Variants in IGSF6 observed in about 807,000 individuals in gnomAD.
IGSF6 encodes the protein immunoglobulin superfamily member 6.
Under a neutral mutation model 24.7 loss-of-function variants are expected in IGSF6, and 23 were observed. The ratio of observed to expected loss-of-function variants is 0.93; its 90% CI spans 0.67 to 1.32. The LOEUF is 1.32. Among genes scored for constraint, IGSF6 ranks in the 40% most tolerant of loss-of-function variants. IGSF6 has a pLI of 0.00. For missense variants in IGSF6, 295 were observed against 293.6 expected, an observed-to-expected ratio of 1.00 and a Z score of -0.04; for synonymous variants, 110 against 113.7, an observed-to-expected ratio of 0.97 and a Z score of 0.21.
chr16:21,643,277 C>A, intron 4 of IGSF6, 123 bp from the exon 5 acceptor site: 1 of 715,758 alleles, frequency 1.4e-6, no homozygotes, highest in South Asian at 1.6e-5. Context: ...TCCCCCAACA[C>A]ATATGTGCCT....
Position 21,643,143 on chromosome 16 carries a change from A to T in IGSF6, c.597T>A (p.Ala199=). The T allele has an allele frequency of 6.2e-7, 1 of 1,606,376 alleles. No homozygotes were observed. Residue 199 remains alanine (A), a synonymous_variant, in exon 5 of 6, where the codon GCT becomes GCA. Transcript: ENST00000268389. ...IKEDSQKKKS[A]RRIFQEIAQE... is the part of the protein sequence containing the mutation. ...GAGCAATTTCCTGAAAAATACGCCG[A>T]GCACTCTTCTTCTATAAAGACAAAT...
At chr16:21,643,785 T>C (rs1383868269) in intron 3 of IGSF6, among the ~76,000 whole-genome samples, 187 bp from the exon 4 acceptor site, 1 of 152,216 alleles carries the variant, frequency 6.6e-6, no homozygotes, top group Non-Finnish European at 1.5e-5. Flanking sequence ...CTGACGTTGA[T>C]TGTAGGATTT....
intron 2 of IGSF6, chr16:21,646,544 G>A (rs1046204022): frequency 5.7e-6 from 1 of 174,872 alleles, no homozygotes. Flanking sequence ...CTAAATCACT[G>A]TAATATACAA....
chr16:21,644,464 GT>G (rs1297441180), intron 2 of IGSF6, 68 bp from the exon 3 acceptor site: 4 of 1,131,086 alleles, frequency 3.5e-6, no homozygotes, highest in Non-Finnish European at 5.3e-6. Flanking sequence ...CATGTGTAAA[GT>G]ATCCTTCACA....
rs1966221823 is a variant in IGSF6 at position 21,640,447 on chromosome 16, T to C, written c.*1087A>G. 6.6e-6 allele frequency: 1 copy of C among 151,468 alleles called. No individual in the cohort carries two copies. The highest frequency in any genetic ancestry group is 1.5e-5 in the Non-Finnish European group (1 of 67,902). 9.4% of individuals were successfully genotyped at this position (151,468 alleles called of 1,614,324 possible). A position where few individuals can be genotyped will look rare whatever the true frequency, so the allele number is the denominator to read the frequency against. Reference sequence around the variant, plus strand: ...TCCTATCTGACATTTCCCTCCTAAATTGGTTAAAAATCAGTATTATAGACT... The same window carrying C: ...TCCTATCTGACATTTCCCTCCTAAACTGGTTAAAAATCAGTATTATAGACT... On this transcript the variant is annotated 3_prime_UTR_variant, in exon 6 of 6. Transcript: ENST00000268389.
In IGSF6 at chr16:21,643,659, A is replaced by G. The variant is rs904346881; in HGVS notation, c.535-61T>C. On this transcript the variant is annotated intron_variant, in intron 3 of 5. Coordinates refer to ENST00000268389, the MANE Select transcript of IGSF6 (RefSeq NM_005849.4). Reference sequence around the variant, plus strand: ...TATGTACTCATAACAATGGTGGCAGATATCTCATGCCCTAATAAGATTAAA... The same window carrying G: ...TATGTACTCATAACAATGGTGGCAGGTATCTCATGCCCTAATAAGATTAAA... The G allele has an allele frequency of 1.5e-5, 16 of 1,072,480 alleles. No homozygotes were observed. In the African/African-American group the frequency reaches 2.4e-4, roughly 16 times the overall value. 66.4% of individuals were successfully genotyped at this position (1,072,480 alleles called of 1,614,324 possible).
chr16:21,650,713 G>T (rs1966550758), intron 1 of IGSF6, among the ~76,000 whole-genome samples: 1 of 152,098 alleles, frequency 6.6e-6, no homozygotes. Context: ...GCAGGAACTT[G>T]TGATGAAACT....
In IGSF6 at chr16:21,641,204, C is replaced by T. The variant is rs1966256859; in HGVS notation, c.*330G>A. 5.5e-6 allele frequency: 1 copy of T among 182,578 alleles called. No homozygotes were observed. Among genetic ancestry groups the T allele is most frequent in the African/African-American group, 2.3e-5 (1 of 42,652 alleles). The allele number at this position is 182,578 out of a possible 1,614,324, so 11.3% of individuals were successfully genotyped here. A position where few individuals can be genotyped will look rare whatever the true frequency, so the allele number is the denominator to read the frequency against. Reference sequence around the variant, plus strand: ...ATAAAGGTGATTCTTCCACTCAAGACTGAGGCACATGGTTTGGCTTCAGAT... The same window carrying T: ...ATAAAGGTGATTCTTCCACTCAAGATTGAGGCACATGGTTTGGCTTCAGAT... On this transcript the variant is annotated 3_prime_UTR_variant, in exon 6 of 6. Transcript: ENST00000268389.
At position 21,640,204 on chromosome 16, in the gene IGSF6, T is replaced by C. The variant is rs9921724; in HGVS notation, c.*1330A>G. On this transcript the variant is annotated 3_prime_UTR_variant, in exon 6 of 6. Transcript: ENST00000268389. The stretch of plus-strand genomic sequence containing the variant: ...TCACCTGCCTCAGCCTCCCAAAGTG[T>C]TGGGATTACAGGCGTGAGCCACCAC... 0.41 allele frequency: 61,640 copies of C among 151,728 alleles called. 13,362 individuals are homozygous for C. The highest frequency in any genetic ancestry group is 0.56 in the African/African-American group (23,214 of 41,370). 9.4% of individuals were successfully genotyped at this position (151,728 alleles called of 1,614,324 possible).
chr16:21,643,634 T>G, intron 3 of IGSF6, 36 bp from the exon 4 acceptor site: 1 of 1,408,990 alleles, frequency 7.1e-7, no homozygotes, highest in African/African-American at 1.4e-5. Context: ...TGAAACATTT[T>G]ATGTACTCAT....
intron 5 of IGSF6, among the ~76,000 whole-genome samples, chr16:21,642,580 A>G (rs1187697647): frequency 6.6e-6 from 1 of 152,230 alleles, no homozygotes; most frequent in African/African-American, 2.4e-5. Context: ...TTATAGATAT[A>G]CATGTATTCT....
rs762795876 is a variant in IGSF6, at chr16:21,643,069, C to CT, written c.666+4dup. On this transcript the variant is annotated splice_donor_region_variant and intron_variant, in intron 5 of 5. Transcript: ENST00000268389. ...TTACATTTTTTTTTGACATTTTACA[C>CT]TTACAGATTGCTGATTTGTTTCCAC... 6 of 1,585,274 alleles carry CT rather than the reference C, an allele frequency of 3.8e-6. No homozygotes were observed. The highest frequency in any genetic ancestry group is 5.2e-6 in the Non-Finnish European group (6 of 1,158,068).
rs368317919 is a variant in IGSF6 at position 21,643,623 on chromosome 16, A to G, written c.535-25T>C. ...ACTGCCAAGAAGAGAAGGAAAGTCTATGAAACATTTTATGTACTCATAACA... is the reference window on the plus strand; with the variant it reads ...ACTGCCAAGAAGAGAAGGAAAGTCTGTGAAACATTTTATGTACTCATAACA... On this transcript the variant is annotated intron_variant, in intron 3 of 5. Coordinates refer to ENST00000268389, the MANE Select transcript of IGSF6 (RefSeq NM_005849.4). 8.2e-4 allele frequency: 1,269 copies of G among 1,547,958 alleles called. 2 individuals are homozygous for G. The highest frequency in any genetic ancestry group is 1.1e-3 in the Admixed American group (61 of 56,996).
At chr16:21,646,949 C>T in intron 2 of IGSF6, 184 bp downstream of exon 2, 1 of 751,390 alleles carries the variant, frequency 1.3e-6, no homozygotes, top group Non-Finnish European at 2.2e-6. Context: ...CCACCACGCC[C>T]AGCCAGTTGG....
intron 1 of IGSF6, among the ~76,000 whole-genome samples, chr16:21,648,586 A>T (rs1194812995): frequency 1.3e-5 from 2 of 152,188 alleles, no homozygotes; most frequent in African/African-American, 4.8e-5. Context: ...CTTCCAAGTT[A>T]TGAGGATTGA....
chr16:21,650,211 A>G (rs1966530988), intron 1 of IGSF6, among the ~76,000 whole-genome samples: 1 of 152,140 alleles, frequency 6.6e-6, no homozygotes, highest in Non-Finnish European at 1.5e-5. Flanking sequence ...TCCTGTCTCT[A>G]TAAAAGGAAT....
chr16:21,646,616 A>C (rs1966435834), intron 2 of IGSF6: 1 of 201,586 alleles, frequency 5.0e-6, no homozygotes, highest in Non-Finnish European at 1.0e-5. Context: ...CCAGCAAATC[A>C]CTGACTTTGT....
chr16:21,641,698 T>C, intron 5 of IGSF6, 105 bp from the exon 6 acceptor site: 1 of 588,964 alleles, frequency 1.7e-6, no homozygotes, highest in Admixed American at 3.2e-5. Context: ...TTCTGGGTCC[T>C]AAGTGTCCAT....
intron 1 of IGSF6, 190 bp downstream of exon 1, chr16:21,652,342 T>C (rs1597792124): frequency 2.1e-6 from 1 of 487,282 alleles, no homozygotes; most frequent in East Asian, 3.3e-5. Flanking sequence ...AAGGTTAATA[T>C]GAAACTTTTT....
Sources: gnomAD v4.1 joint callset for allele counts (sites outside exome capture counted in the v4.1 genomes callset) on GRCh38, gnomAD v4.1.1 for gene constraint, MANE v1.5 for transcripts, NCBI Gene and HGNC (gene_info 2026-07-23, HGNC 2026-07-21) for gene names.